Variants in MDM4 observed in about 807,000 individuals in gnomAD.
The protein encoded by MDM4 is protein Mdm4.
A neutral mutation model predicts 60.2 loss-of-function variants in MDM4; 2 were observed. The observed-to-expected ratio is 0.03, with a 90% confidence interval of 0.01 to 0.10. The LOEUF (loss-of-function observed/expected upper bound fraction) is 0.10, where lower values mean the gene tolerates loss of function less well. MDM4 is among the 10% of genes least tolerant of loss of function. The probability of loss-of-function intolerance (pLI) is 1.00; values close to 1 mark genes in which losing one functional copy is unlikely to be tolerated. For synonymous variants in MDM4, 202 were observed against 198.1 expected, an observed-to-expected ratio of 1.02 and a Z score of -0.17; for missense variants, 447 against 577.5, an observed-to-expected ratio of 0.77 and a Z score of 2.32.
chr1:204,519,331 G>A (rs953595347), intron 1 of MDM4, among the ~76,000 whole-genome samples: 2 of 151,978 alleles, frequency 1.3e-5, no homozygotes, highest in South Asian at 2.1e-4. Context: ...AAGAAACCGC[G>A]TCTCTACTAA....
chr1:204,536,366 C>T (rs1441618776), intron 5 of MDM4, among the ~76,000 whole-genome samples: 1 of 152,196 alleles, frequency 6.6e-6, no homozygotes, highest in Non-Finnish European at 1.5e-5. Flanking sequence ...CGTTTGTCCA[C>T]AAAAATGTTT....
intron 5 of MDM4, among the ~76,000 whole-genome samples, chr1:204,536,415 G>A (rs562012220): frequency 2.0e-5 from 3 of 152,200 alleles, no homozygotes; most frequent in Non-Finnish European, 4.4e-5. Context: ...TTTTGAAAAT[G>A]TTTGCTTTTT....
intron 7 of MDM4, among the ~76,000 whole-genome samples, chr1:204,540,549 G>C (rs1416047300): frequency 6.6e-6 from 1 of 151,882 alleles, no homozygotes; most frequent in Non-Finnish European, 1.5e-5. Flanking sequence ...GATCACCTGA[G>C]GTCAGGAGTT....
At position 204,525,502 on chromosome 1, in the gene MDM4, G is replaced by A; in HGVS notation, c.-17G>A. 1 of 1,590,628 alleles carries A rather than the reference G, an allele frequency of 6.3e-7. No individual in the cohort carries two copies. The highest frequency in any genetic ancestry group is 8.5e-7 in the Non-Finnish European group (1 of 1,174,162). ...TATTTAGTTTTACCAACAGACTGCA[G>A]TTTCTTCACTACCAAAATGACATCA... is the stretch of plus-strand genomic sequence containing the variant. On this transcript the variant is annotated 5_prime_UTR_variant, in exon 2 of 11. Transcript: ENST00000367182.
intron 3 of MDM4, chr1:204,528,741 C>G (rs564109908): frequency 4.1e-6 from 3 of 723,104 alleles, no homozygotes; most frequent in Non-Finnish European, 7.1e-6. Flanking sequence ...GGAGAATGTT[C>G]TTCTAGAGGG....
intron 5 of MDM4, among the ~76,000 whole-genome samples, chr1:204,535,614 A>T (rs968542279): frequency 1.3e-5 from 2 of 151,250 alleles, no homozygotes; most frequent in East Asian, 4.0e-4. Flanking sequence ...GCTCACTGCA[A>T]CCTCTGCCTC....
At chr1:204,524,775 A>T (rs1012381451) in intron 1 of MDM4, among the ~76,000 whole-genome samples, 30 of 152,256 alleles carry the variant, frequency 2.0e-4, no homozygotes, top group Admixed American at 1.9e-3. Context: ...ACTGTGTCTC[A>T]AAATAAATAA....
At chr1:204,522,876 T>C (rs973062126) in intron 1 of MDM4, among the ~76,000 whole-genome samples, 3 of 151,750 alleles carry the variant, frequency 2.0e-5, no homozygotes, top group Non-Finnish European at 2.9e-5. Context: ...TTTTTTTTTT[T>C]TTTGAGATGG....
intron 5 of MDM4, among the ~76,000 whole-genome samples, chr1:204,536,194 G>C (rs1355721783): frequency 3.3e-5 from 5 of 152,320 alleles, no homozygotes; most frequent in African/African-American, 9.6e-5. Context: ...AGAGGTTTTA[G>C]TGAGCCGAGA....
In MDM4 at chr1:204,540,995, T is replaced by C. The variant is rs548392229; in HGVS notation, c.512-1789T>C. Among the ~76,000 whole-genome samples, 12 of 152,350 alleles carry C rather than the reference T, an allele frequency of 7.9e-5. No individual in the cohort carries two copies. The South Asian group carries it at 1.9e-3, about 24-fold the overall frequency. On this transcript the variant is annotated intron_variant, in intron 7 of 10. Coordinates refer to ENST00000367182, the MANE Select transcript of MDM4 (RefSeq NM_002393.5). ...AATAAGTTTATCATGCTGGATTGTTTTCTTTACATTGCATTTGAGCATAAA... is the reference window on the plus strand; with the variant it reads ...AATAAGTTTATCATGCTGGATTGTTCTCTTTACATTGCATTTGAGCATAAA...
chr1:204,541,918 A>T (rs540084171), intron 7 of MDM4, among the ~76,000 whole-genome samples: 66 of 152,298 alleles, frequency 4.3e-4, no homozygotes, highest in African/African-American at 1.6e-3. Context: ...GGGCAGGCCT[A>T]ATGTATTGGG....
rs1663193220 is a variant in MDM4, at chr1:204,551,459, CTCTT to C, written c.*1779_*1782del. ...ATATACTGGATGGTTGAGAGGCAGC[CTCTT>C]TTTTTTTTTTTTTTTTTTTTTTTTT... is the stretch of plus-strand genomic sequence containing the variant. On this transcript the variant is annotated 3_prime_UTR_variant, in exon 11 of 11. Coordinates refer to ENST00000367182, the MANE Select transcript of MDM4 (RefSeq NM_002393.5). 6 of 151,864 alleles carry C rather than the reference CTCTT, an allele frequency of 4.0e-5. No homozygotes were observed. Among genetic ancestry groups the C allele is most frequent in the African/African-American group, 1.4e-4 (3 of 21,174 alleles). The allele number at this position is 151,864 out of a possible 1,614,324, so 9.4% of individuals were successfully genotyped here.
At chr1:204,536,399 T>C (rs1014121065) in intron 5 of MDM4, among the ~76,000 whole-genome samples, 2 of 152,268 alleles carry the variant, frequency 1.3e-5, no homozygotes, top group African/African-American at 4.8e-5. Context: ...TTTTTTATAA[T>C]TAGAATTTTG....
intron 3 of MDM4, among the ~76,000 whole-genome samples, chr1:204,527,895 A>G (rs1660379860): frequency 6.6e-6 from 1 of 151,534 alleles, no homozygotes; most frequent in South Asian, 2.1e-4. Context: ...AAACCTTCAC[A>G]CCTATCAACA....
intron 1 of MDM4, among the ~76,000 whole-genome samples, chr1:204,517,113 C>T (rs1659059585): frequency 6.6e-6 from 1 of 151,758 alleles, no homozygotes; most frequent in South Asian, 2.1e-4. Flanking sequence ...TGTGGTGGCG[C>T]ATGCCTGTAA....
At chr1:204,536,780 T>G in intron 5 of MDM4, 1 of 184,472 alleles carries the variant, frequency 5.4e-6, no homozygotes, top group Non-Finnish European at 1.1e-5. Context: ...TTTATTGGCC[T>G]TGAGAAAAAC....
chr1:204,526,555 C>T (rs1572461788), intron 3 of MDM4, 121 bp downstream of exon 3: 1 of 683,314 alleles, frequency 1.5e-6, no homozygotes. Context: ...GCTCCGCCTC[C>T]TGGGTTCACG....
At chr1:204,527,221 C>T (rs1193764009) in intron 3 of MDM4, among the ~76,000 whole-genome samples, 4 of 151,608 alleles carry the variant, frequency 2.6e-5, no homozygotes, top group African/African-American at 9.7e-5. Context: ...GTGGGAGGAT[C>T]GCTTGAACCC....
chr1:204,556,895 C>G lies in MDM4; in HGVS notation c.*7213C>G, dbSNP rs1397052952. ...GCACTTGGCAAGGTAGACCTCATAG[C>G]AACCTTGAATATGACTTTCTTTAGT... On this transcript the variant is annotated 3_prime_UTR_variant, in exon 11 of 11. Coordinates refer to ENST00000367182, the MANE Select transcript of MDM4 (RefSeq NM_002393.5). The G allele has an allele frequency of 1.4e-5, 3 of 208,800 alleles. No individual in the cohort carries two copies. Among genetic ancestry groups the G allele is most frequent in the African/African-American group, 2.3e-5 (1 of 43,914 alleles). The allele number at this position is 208,800 out of a possible 1,614,324, so 12.9% of individuals were successfully genotyped here.
Sources: gnomAD v4.1 joint callset for allele counts (sites outside exome capture counted in the v4.1 genomes callset) on GRCh38, gnomAD v4.1.1 for gene constraint, MANE v1.5 for transcripts, NCBI Gene and HGNC (gene_info 2026-07-23, HGNC 2026-07-21) for gene names.